Variants in NRG1 observed in about 807,000 individuals in gnomAD.
NRG1 encodes neuregulin 1.
Under a neutral mutation model 63.8 loss-of-function variants are expected in NRG1, and 18 were observed. The ratio of observed to expected loss-of-function variants is 0.28; its 90% CI spans 0.19 to 0.42. The LOEUF (loss-of-function observed/expected upper bound fraction) is 0.42. NRG1 is among the 10% of genes least tolerant of loss of function. The probability of loss-of-function intolerance (pLI) is 1.00; values close to 1 mark genes in which losing one functional copy is unlikely to be tolerated. For synonymous variants in NRG1, 302 were observed against 301.3 expected (o/e 1.00, Z -0.02); for missense variants, 762 against 814.7 (o/e 0.94, Z 0.79).
At chr8:32,188,390 A>T (rs1842170638) in intron 1 of NRG1, among the ~76,000 whole-genome samples, 1 of 152,180 alleles carries the variant, frequency 6.6e-6, no homozygotes, top group Admixed American at 6.5e-5. Context: ...TGACACTCAG[A>T]TTACTTTGGC....
chr8:32,078,175 C>G (rs187957366), intron 1 of NRG1, among the ~76,000 whole-genome samples: 1 of 152,202 alleles, frequency 6.6e-6, no homozygotes, highest in African/African-American at 2.4e-5. Flanking sequence ...TGGGGCCTCA[C>G]TGGAGGTGAT....
At chr8:32,648,504 G>T in intron 5 of NRG1, 4 of 1,400,920 alleles carry the variant, frequency 2.9e-6, no homozygotes, top group Non-Finnish European at 3.8e-6. Flanking sequence ...TTTAAGCAAA[G>T]CCTATGTTTG....
At chr8:31,749,528 T>C (rs142861733) in intron 1 of NRG1, among the ~76,000 whole-genome samples, 3 of 151,998 alleles carry the variant, frequency 2.0e-5, no homozygotes, top group East Asian at 3.9e-4. Context: ...GCAACCGCAA[T>C]TGAATTCTCA....
At chr8:32,528,199 T>C (rs1831078689) in intron 1 of NRG1, among the ~76,000 whole-genome samples, 2 of 152,236 alleles carry the variant, frequency 1.3e-5, no homozygotes, top group Admixed American at 1.3e-4. Flanking sequence ...ACTATCTTCT[T>C]TTGCTCTTTT....
intron 1 of NRG1, among the ~76,000 whole-genome samples, chr8:32,458,993 T>C (rs1821961657): frequency 6.6e-6 from 1 of 152,232 alleles, no homozygotes; most frequent in Non-Finnish European, 1.5e-5. Context: ...TCTTCATTTA[T>C]TACATTCACT....
intron 1 of NRG1, among the ~76,000 whole-genome samples, chr8:32,069,808 G>A (rs1430111560): frequency 6.6e-6 from 1 of 152,160 alleles, no homozygotes; most frequent in Non-Finnish European, 1.5e-5. Context: ...CTTCACCTGA[G>A]AATGACTTTT....
intron 1 of NRG1, among the ~76,000 whole-genome samples, chr8:32,092,719 C>T (rs1829362135): frequency 2.0e-5 from 3 of 152,004 alleles, no homozygotes; most frequent in African/African-American, 7.2e-5. Flanking sequence ...TGGCAGTGCA[C>T]AGAGGACTGC....
chr8:31,701,493 A>T (rs1810627261), intron 1 of NRG1, among the ~76,000 whole-genome samples: 1 of 152,136 alleles, frequency 6.6e-6, no homozygotes, highest in Non-Finnish European at 1.5e-5. Flanking sequence ...CAATTATATT[A>T]ATCTAGATTT....
chr8:31,978,374 A>G (rs1198900580), intron 1 of NRG1, among the ~76,000 whole-genome samples: 3 of 152,132 alleles, frequency 2.0e-5, no homozygotes, highest in Non-Finnish European at 4.4e-5. Flanking sequence ...TGTGCTGCTC[A>G]TAAAAATCAT....
chr8:31,789,868 A>G (rs1381905048), intron 1 of NRG1, among the ~76,000 whole-genome samples: 1 of 152,186 alleles, frequency 6.6e-6, no homozygotes, highest in Admixed American at 6.6e-5. Context: ...TCAACAGAAA[A>G]CACTTGATAA....
At chr8:32,364,658 C>G (rs1361414633) in intron 1 of NRG1, among the ~76,000 whole-genome samples, 6 of 151,904 alleles carry the variant, frequency 3.9e-5, no homozygotes, top group African/African-American at 1.5e-4. Flanking sequence ...ATTTCTTTTC[C>G]TATATGGGTT....
intron 1 of NRG1, among the ~76,000 whole-genome samples, chr8:31,868,815 C>A (rs1256001104): frequency 6.6e-6 from 1 of 152,118 alleles, no homozygotes; most frequent in Non-Finnish European, 1.5e-5. Flanking sequence ...TTGTATTGTT[C>A]AGGGTTGCAC....
intron 1 of NRG1, among the ~76,000 whole-genome samples, chr8:32,516,207 G>T (rs776338226): frequency 6.6e-6 from 1 of 152,112 alleles, no homozygotes; most frequent in Non-Finnish European, 1.5e-5. Context: ...TCAAAGATCC[G>T]ATGGCTGTAG....
intron 1 of NRG1, among the ~76,000 whole-genome samples, chr8:32,575,424 G>C (rs994125255): frequency 1.3e-5 from 2 of 151,152 alleles, no homozygotes; most frequent in African/African-American, 4.9e-5. Flanking sequence ...TCCTGGAAGG[G>C]TTGGGGATGG....
chr8:32,460,493 C>G (rs1437033792), intron 1 of NRG1, among the ~76,000 whole-genome samples: 1 of 152,166 alleles, frequency 6.6e-6, no homozygotes, highest in Non-Finnish European at 1.5e-5. Context: ...CGCCTTTCAA[C>G]TTTGAACATT....
chr8:31,834,008 C>A (rs1007854791), intron 1 of NRG1, among the ~76,000 whole-genome samples: 1 of 152,174 alleles, frequency 6.6e-6, no homozygotes. Flanking sequence ...GACTGGCTTG[C>A]AGGTGGGTTC....
intron 1 of NRG1, among the ~76,000 whole-genome samples, chr8:31,975,590 A>G (rs111691139): frequency 5.3e-5 from 8 of 152,336 alleles, no homozygotes; most frequent in African/African-American, 1.9e-4. Flanking sequence ...ACAGTTTACA[A>G]AGAAAAAAGT....
At chr8:32,157,965 T>C (rs1048240545) in intron 1 of NRG1, among the ~76,000 whole-genome samples, 3 of 152,122 alleles carry the variant, frequency 2.0e-5, no homozygotes, top group Non-Finnish European at 4.4e-5. Flanking sequence ...TTATACACTT[T>C]CCACTTTCCC....
intron 1 of NRG1, among the ~76,000 whole-genome samples, chr8:32,415,385 G>A (rs1217603863): frequency 1.2e-4 from 16 of 129,722 alleles, no homozygotes; most frequent in Admixed American, 1.5e-4. Context: ...AAAAAAGAAA[G>A]AAAGAAAAAG....
Sources: gnomAD v4.1 joint callset for allele counts (sites outside exome capture counted in the v4.1 genomes callset) on GRCh38, gnomAD v4.1.1 for gene constraint, MANE v1.5 for transcripts, NCBI Gene and HGNC (gene_info 2026-07-23, HGNC 2026-07-21) for gene names.